The following THAP6 variants were observed in gnomAD, a reference collection of about 807,000 sequenced individuals.
The protein encoded by THAP6 is THAP domain-containing protein 6.
In THAP6, 13 loss-of-function variants were observed where a neutral mutation model predicts 20.0. The ratio of observed to expected loss-of-function variants is 0.65; its 90% confidence interval spans 0.42 to 1.03. THAP6 has a LOEUF of 1.03. THAP6 is among the 50% of genes least tolerant of loss of function. The pLI is 0.00. For synonymous variants in THAP6, 93 were observed against 92.2 expected, an observed-to-expected ratio of 1.01 and a Z score of -0.05; for missense variants, 262 against 261.6, an observed-to-expected ratio of 1.00 and a Z score of -0.01.
chr4:75,519,325 C>CA (rs1553922544), intron 3 of THAP6, among the ~76,000 whole-genome samples: 1 of 142,294 alleles, frequency 7.0e-6, no homozygotes, highest in Non-Finnish European at 1.5e-5. Flanking sequence ...TGGGGCACAT[C>CA]TTTTTTTTTT....
Position 75,528,082 on chromosome 4 carries a change from A to G in THAP6, c.*868A>G. On this transcript the variant is annotated 3_prime_UTR_variant, in exon 5 of 5. Transcript: ENST00000311638. The stretch of plus-strand genomic sequence containing the variant: ...AGTATTGCTGACATTTTAAAAAAAT[A>G]CAAAATACAAAAGAAACCATTAGAA... 1.0e-6 allele frequency: 1 copy of G among 984,536 alleles called. No homozygotes were observed. Among genetic ancestry groups the G allele is most frequent in the Non-Finnish European group, 1.2e-6 (1 of 829,110 alleles). 61.0% of individuals were successfully genotyped at this position (984,536 alleles called of 1,614,324 possible). A position where few individuals can be genotyped will look rare whatever the true frequency, so the allele number is the denominator to read the frequency against.
chr4:75,523,921 C>G (rs1284129362), intron 4 of THAP6, among the ~76,000 whole-genome samples: 1 of 151,782 alleles, frequency 6.6e-6, no homozygotes, highest in Non-Finnish European at 1.5e-5. Flanking sequence ...TTCTTTAATC[C>G]ATTTTGATTT....
At chr4:75,545,190 G>T (rs1053213855) in intron 3 of THAP6, among the ~76,000 whole-genome samples, 1 of 152,186 alleles carries the variant, frequency 6.6e-6, no homozygotes, top group African/African-American at 2.4e-5. Flanking sequence ...AAGCTGACTG[G>T]TCCAAGGTCC....
At chr4:75,519,276 A>G (rs1725856869) in intron 3 of THAP6, among the ~76,000 whole-genome samples, 1 of 150,326 alleles carries the variant, frequency 6.7e-6, no homozygotes, top group Non-Finnish European at 1.5e-5. Flanking sequence ...GTAGTTTTTC[A>G]CACTGGGGTT....
intron 3 of THAP6, among the ~76,000 whole-genome samples, chr4:75,545,113 A>G (rs1271961746): frequency 3.3e-5 from 5 of 152,202 alleles, no homozygotes; most frequent in African/African-American, 4.8e-5. Context: ...TGTATGTCCA[A>G]TTCTTAGAAC....
chr4:75,520,875 T>C (rs900082516), intron 3 of THAP6, among the ~76,000 whole-genome samples: 2 of 152,216 alleles, frequency 1.3e-5, no homozygotes, highest in African/African-American at 4.8e-5. Flanking sequence ...TTTGTTTTAA[T>C]GTATCTATGA....
downstream of THAP6, among the ~76,000 whole-genome samples, chr4:75,531,418 G>C (rs1335002166): frequency 6.6e-6 from 1 of 152,188 alleles, no homozygotes; most frequent in African/African-American, 2.4e-5. Flanking sequence ...TTTTCCCTTA[G>C]CTGATTGTGC....
chr4:75,514,006 G>A (rs2148791741), upstream of THAP6: 1 of 769,808 alleles, frequency 1.3e-6, no homozygotes. Context: ...AAGGTACGAA[G>A]CAGGTAGGAA....
Position 75,527,852 on chromosome 4 carries a change from C to T in THAP6, c.*638C>T. On this transcript the variant is annotated 3_prime_UTR_variant, in exon 5 of 5. Coordinates refer to ENST00000311638, the MANE Select transcript of THAP6 (RefSeq NM_144721.6). ...GTTTTCAGTACAGTACATCATTCCT[C>T]CTCACTAGGAGCACTTTGATGTAAA... The T allele has an allele frequency of 1.0e-6, 1 of 985,422 alleles. No homozygotes were observed. Among genetic ancestry groups the T allele is most frequent in the Non-Finnish European group, 1.2e-6 (1 of 829,958 alleles). 61.0% of individuals were successfully genotyped at this position (985,422 alleles called of 1,614,324 possible). A position where few individuals can be genotyped will look rare whatever the true frequency, so the allele number is the denominator to read the frequency against.
chr4:75,530,574 GA>G (rs1208010359), downstream of THAP6, among the ~76,000 whole-genome samples: 2 of 152,172 alleles, frequency 1.3e-5, no homozygotes, highest in Non-Finnish European at 2.9e-5. Context: ...TGAACTAAGT[GA>G]TTTTCCATAG....
downstream of THAP6, among the ~76,000 whole-genome samples, chr4:75,531,786 T>A (rs1726688824): frequency 6.6e-6 from 1 of 151,690 alleles, no homozygotes; most frequent in Non-Finnish European, 1.5e-5. Context: ...TCCCCTTTTT[T>A]TTTTTTTTCT....
Position 75,527,101 on chromosome 4 carries a change from A to G in THAP6, c.556A>G (p.Thr186Ala), listed in dbSNP as rs969100352. ...ACGTTTTCAGAAATCATTGAGGAAG[A>G]CAATCAGGGAATTAAAGGATGAATG... The part of the protein sequence containing the change: ...EKRFQKSLRK[T>A]IRELKDECLI... Residue 186 changes from threonine (T) to alanine (A), a missense_variant, in exon 5 of 5, where the codon ACA becomes GCA. By Grantham distance (58) the Thr-to-Ala change is moderately conservative. Transcript: ENST00000311638. The G allele has an allele frequency of 6.2e-7, 1 of 1,614,168 alleles. No homozygotes were observed.
rs182681635 is a variant in THAP6, at chr4:75,528,695, A to G, written c.*1481A>G. The G allele has an allele frequency of 0.01, 10,283 of 984,960 alleles. 65 individuals are homozygous for G. The highest frequency in any genetic ancestry group is 0.012 in the Non-Finnish European group (9,852 of 829,646). The allele number at this position is 984,960 out of a possible 1,614,324, so 61.0% of individuals were successfully genotyped here. On this transcript the variant is annotated 3_prime_UTR_variant, in exon 5 of 5. Coordinates refer to ENST00000311638, the MANE Select transcript of THAP6 (RefSeq NM_144721.6). Reference sequence around the variant, plus strand: ...CATCTGCGAGATCAGCGTTATGCTAAGAGGAAATCACTGAGGCCATATCTT... The same window carrying G: ...CATCTGCGAGATCAGCGTTATGCTAGGAGGAAATCACTGAGGCCATATCTT...
At chr4:75,542,602 G>A in intron 3 of THAP6, 1 of 587,086 alleles carries the variant, frequency 1.7e-6, no homozygotes. Flanking sequence ...AAATTAAACA[G>A]AGAAAAGCTA....
chr4:75,527,519 T>C lies in THAP6; in HGVS notation c.*305T>C. On this transcript the variant is annotated 3_prime_UTR_variant, in exon 5 of 5. Coordinates refer to ENST00000311638, the MANE Select transcript of THAP6 (RefSeq NM_144721.6). ...AAGAAATGATGTCAAATTAGTCACA[T>C]TAAGCTATAGTAGAAGGAATTGGAC... The C allele has an allele frequency of 1.7e-6, 2 of 1,155,920 alleles. No individual in the cohort carries two copies. The highest frequency in any genetic ancestry group is 2.1e-6 in the Non-Finnish European group (2 of 935,616). 71.6% of individuals were successfully genotyped at this position (1,155,920 alleles called of 1,614,324 possible).
At chr4:75,515,314 G>C (rs1578254730) in intron 1 of THAP6, 119 bp from the exon 2 acceptor site, 1 of 859,618 alleles carries the variant, frequency 1.2e-6, no homozygotes, top group East Asian at 2.6e-5. Context: ...GGTGTTAGAA[G>C]AAGATATTTG....
At chr4:75,538,877 C>G (rs1726937027) in intron 2 of THAP6, among the ~76,000 whole-genome samples, 1 of 152,096 alleles carries the variant, frequency 6.6e-6, no homozygotes, top group Non-Finnish European at 1.5e-5. Context: ...ACCAGGAAAC[C>G]CAAGAGCAGA....
chr4:75,541,582 G>A (rs1038726037), intron 2 of THAP6, among the ~76,000 whole-genome samples: 1 of 151,806 alleles, frequency 6.6e-6, no homozygotes, highest in East Asian at 1.9e-4. Flanking sequence ...AAGAAAGAGA[G>A]ATGAAGGGAG....
At chr4:75,536,298 C>G (rs900483572) in intron 2 of THAP6, among the ~76,000 whole-genome samples, 3 of 152,088 alleles carry the variant, frequency 2.0e-5, no homozygotes, top group Non-Finnish European at 1.5e-5. Context: ...AACCCCATCT[C>G]CACTAAAAAT....
Sources: allele counts gnomAD v4.1 joint callset (sites outside exome capture counted in the v4.1 genomes callset), GRCh38; gene constraint gnomAD v4.1.1; transcripts MANE v1.5; gene names NCBI Gene and HGNC (gene_info 2026-07-23, HGNC 2026-07-21).